The following PTPN2 variants were observed in gnomAD, a reference collection of about 807,000 sequenced individuals.
The protein encoded by PTPN2 is tyrosine-protein phosphatase non-receptor type 2.
Under a neutral mutation model 57.3 loss-of-function variants are expected in PTPN2, and 19 were observed. The observed-to-expected ratio is 0.33, with a 90% CI of 0.23 to 0.49. PTPN2 has a LOEUF of 0.49. Ranked by LOEUF, PTPN2 falls within the 20% of genes least tolerant of loss-of-function variation. The pLI is 0.99. For synonymous variants in PTPN2, 153 were observed against 164.9 expected (o/e 0.93, Z 0.55); for missense variants, 358 against 501.1 (o/e 0.71, Z 2.73).
intron 4 of PTPN2, among the ~76,000 whole-genome samples, chr18:12,827,588 T>A (rs1210444529): frequency 6.6e-6 from 1 of 151,810 alleles, no homozygotes; most frequent in Non-Finnish European, 1.5e-5. Flanking sequence ...TCTCACTTTG[T>A]TGTCGAGGCT....
At chr18:12,845,864 A>G (rs2043188067) in intron 2 of PTPN2, among the ~76,000 whole-genome samples, 1 of 152,190 alleles carries the variant, frequency 6.6e-6, no homozygotes, top group South Asian at 2.1e-4. Flanking sequence ...ACATAATCCT[A>G]CTTACTCATA....
chr18:12,837,163 A>G (rs1228399702), intron 2 of PTPN2, among the ~76,000 whole-genome samples: 1 of 152,192 alleles, frequency 6.6e-6, no homozygotes, highest in East Asian at 1.9e-4. Context: ...AGGAGTAAAC[A>G]TAGTTAAATG....
At chr18:12,870,269 A>ATGTGTG (rs1303533373) in intron 1 of PTPN2, among the ~76,000 whole-genome samples, 17 of 94,220 alleles carry the variant, frequency 1.8e-4, no homozygotes, top group African/African-American at 1.0e-3. Context: ...ATATATATAT[A>ATGTGTG]TATGTATATA....
At chr18:12,836,055 C>T (rs1489124439) in intron 3 of PTPN2, among the ~76,000 whole-genome samples, 1 of 152,108 alleles carries the variant, frequency 6.6e-6, no homozygotes, top group African/African-American at 2.4e-5. Context: ...ATAAGTCATT[C>T]TGATTTAAGT....
At chr18:12,860,422 C>T (rs940512731) in intron 1 of PTPN2, among the ~76,000 whole-genome samples, 1 of 151,770 alleles carries the variant, frequency 6.6e-6, no homozygotes, top group East Asian at 1.9e-4. Flanking sequence ...GATGGTGAAA[C>T]CTCGTCTCTA....
At position 12,870,261 on chromosome 18, in the gene PTPN2, ATATATATATATG is replaced by A. The variant is rs1225744799; in HGVS notation, c.70-11019_70-11008del. Reference sequence around the variant, plus strand: ...GGAATCCAGTACTTAACTTTAGCATATATATATATATGTATATATATACATATACATATATAT... The same window carrying A: ...GGAATCCAGTACTTAACTTTAGCATATATATATATACATATACATATATAT... On this transcript the variant is annotated intron_variant, in intron 1 of 8. Transcript: ENST00000309660. Among the ~76,000 whole-genome samples, 27 of 105,006 alleles carry A rather than the reference ATATATATATATG, an allele frequency of 2.6e-4. 2 individuals are homozygous for A. The highest frequency in any genetic ancestry group is 9.2e-4 in the African/African-American group (18 of 19,560). 68.9% of individuals were successfully genotyped at this position (105,006 alleles called of 152,430 possible).
chr18:12,874,631 G>A (rs1191364903), intron 1 of PTPN2, among the ~76,000 whole-genome samples: 1 of 137,400 alleles, frequency 7.3e-6, no homozygotes, highest in Non-Finnish European at 1.6e-5. Flanking sequence ...CCGGGAGGGA[G>A]GTGGGGGGGT....
At chr18:12,878,333 A>G (rs533874154) in intron 1 of PTPN2, among the ~76,000 whole-genome samples, 2 of 151,910 alleles carry the variant, frequency 1.3e-5, no homozygotes, top group Admixed American at 6.6e-5. Flanking sequence ...AAAAGAAAGA[A>G]AAAGAAAAAA....
At chr18:12,850,056 T>C (rs1179851132) in intron 2 of PTPN2, among the ~76,000 whole-genome samples, 1 of 152,200 alleles carries the variant, frequency 6.6e-6, no homozygotes, top group African/African-American at 2.4e-5. Context: ...GGCTAACATT[T>C]AGTTTAGTTG....
At chr18:12,883,966 G>GAGAGGCT (rs1221214113) in intron 1 of PTPN2, 107 bp downstream of exon 1, 17 of 983,654 alleles carry the variant, frequency 1.7e-5, no homozygotes, top group Admixed American at 5.7e-5. Context: ...CGCCCCGAGC[G>GAGAGGCT]AGAGGCTAGA....
chr18:12,807,586 A>AAAAAT, intron 7 of PTPN2, among the ~76,000 whole-genome samples: 4 of 35,196 alleles, frequency 1.1e-4, no homozygotes, highest in African/African-American at 2.1e-4. Context: ...AAAAAAAAAA[A>AAAAAT]ATATATATAT....
rs1020821982 is a variant in PTPN2, at chr18:12,858,633, G to A, written c.160+531C>T. On this transcript the variant is annotated intron_variant, in intron 2 of 8. Transcript: ENST00000309660. ...GTATGTGGCAAGATTCTAATTTTCC[G>A]TTTAAAGTACATGTTTATTTTTAAA... Among the ~76,000 whole-genome samples, 4 of 152,202 alleles carry A rather than the reference G, an allele frequency of 2.6e-5. No homozygotes were observed. The East Asian group carries it at 5.8e-4, about 22-fold the overall frequency.
chr18:12,842,673 G>A (rs761012971), intron 2 of PTPN2, among the ~76,000 whole-genome samples: 25 of 152,278 alleles, frequency 1.6e-4, no homozygotes, highest in Non-Finnish European at 2.5e-4. Context: ...GGGACAAAGC[G>A]GAGAGGAGCA....
chr18:12,865,262 C>T (rs1462779391), intron 1 of PTPN2, among the ~76,000 whole-genome samples: 1 of 151,650 alleles, frequency 6.6e-6, no homozygotes, highest in African/African-American at 2.4e-5. Context: ...GACAGACCCC[C>T]ATCTCTATTA....
intron 1 of PTPN2, among the ~76,000 whole-genome samples, chr18:12,870,547 T>C (rs1598887963): frequency 7.3e-6 from 1 of 136,344 alleles, no homozygotes; most frequent in East Asian, 2.2e-4. Flanking sequence ...TTCACTCTGT[T>C]GCCCAGGCTG....
rs368530827 is a variant in PTPN2, at chr18:12,878,943, C to G, written c.69+5130G>C. Among the ~76,000 whole-genome samples the G allele has an allele frequency of 7.2e-5, 11 of 152,326 alleles. No individual in the cohort carries two copies. In the East Asian group the frequency reaches 2.1e-3, roughly 29 times the overall value. ...CCATAACATAGCTTTTGCGATTCCC[C>G]AGTTTTAGTCTTTTCCTCAGTAGGC... is the stretch of plus-strand genomic sequence containing the variant. On this transcript the variant is annotated intron_variant, in intron 1 of 8. Coordinates refer to ENST00000309660, the MANE Select transcript of PTPN2 (RefSeq NM_002828.4).
chr18:12,829,935 G>GT (rs2042610390), intron 4 of PTPN2, among the ~76,000 whole-genome samples: 1 of 152,064 alleles, frequency 6.6e-6, no homozygotes, highest in African/African-American at 2.4e-5. Flanking sequence ...AATTAAACCT[G>GT]ACTCTTGTTA....
chr18:12,869,305 T>C (rs1228692340), intron 1 of PTPN2, among the ~76,000 whole-genome samples: 2 of 152,136 alleles, frequency 1.3e-5, no homozygotes, highest in Non-Finnish European at 2.9e-5. Flanking sequence ...GCCTCCCAAG[T>C]AGGTGGGACT....
chr18:12,801,520 A>C (rs2014011624), intron 8 of PTPN2, among the ~76,000 whole-genome samples: 1 of 152,148 alleles, frequency 6.6e-6, no homozygotes, highest in African/African-American at 2.4e-5. Context: ...AATTCAATAA[A>C]AAAAAGGGCC....
Sources: allele counts gnomAD v4.1 joint callset (sites outside exome capture counted in the v4.1 genomes callset), GRCh38; gene constraint gnomAD v4.1.1; transcripts MANE v1.5; gene names NCBI Gene and HGNC (gene_info 2026-07-23, HGNC 2026-07-21).